DIP2C: variants seen among roughly 807,000 people sequenced by gnomAD.
DIP2C encodes disco-interacting protein 2 homolog C.
Under a neutral mutation model 192.4 loss-of-function variants are expected in DIP2C, and 33 were observed. That is an observed-to-expected ratio of 0.17 (90% confidence interval 0.13 to 0.23). DIP2C has a LOEUF of 0.23. Among genes scored for constraint, DIP2C ranks in the 10% least tolerant of loss-of-function variants. DIP2C has a pLI of 1.00. For missense variants in DIP2C, 1,537 were observed against 2,110.1 expected, an observed-to-expected ratio of 0.73 and a Z score of 5.32; for synonymous variants, 979 against 864.1, an observed-to-expected ratio of 1.13 and a Z score of -2.33.
rs903103045 is a variant in DIP2C at position 376,080 on chromosome 10, G to A, written c.1992-6447C>T. Among the ~76,000 whole-genome samples the A allele has an allele frequency of 1.1e-4, 17 of 152,192 alleles. No homozygotes were observed. The East Asian group carries it at 1.3e-3, about 12-fold the overall frequency. On this transcript the variant is annotated intron_variant, in intron 17 of 36. Transcript: ENST00000280886. ...GTTGAATTCTTACTATGTACCAGGCGTGCTTTCAAGCTCTGTGTGTGTATG... is the reference window on the plus strand; with the variant it reads ...GTTGAATTCTTACTATGTACCAGGCATGCTTTCAAGCTCTGTGTGTGTATG...
At chr10:625,262 C>T (rs1038952588) in intron 1 of DIP2C, among the ~76,000 whole-genome samples, 21 of 152,200 alleles carry the variant, frequency 1.4e-4, no homozygotes, top group African/African-American at 4.8e-4. Context: ...CGCCGCTTCC[C>T]GTCAGGGCAA....
chr10:560,937 C>G (rs917548466), intron 1 of DIP2C, among the ~76,000 whole-genome samples: 22 of 152,188 alleles, frequency 1.4e-4, no homozygotes, highest in African/African-American at 5.1e-4. Flanking sequence ...CTCCACATGA[C>G]AAAGCCTTGG....
chr10:418,878 C>T (rs1022780733), intron 6 of DIP2C, among the ~76,000 whole-genome samples, 187 bp downstream of exon 6: 9 of 152,210 alleles, frequency 5.9e-5, no homozygotes, highest in African/African-American at 2.2e-4. Flanking sequence ...ACTGTGGGCT[C>T]ACTTGGAGAA....
chr10:359,859 G>T (rs902563843), intron 22 of DIP2C, among the ~76,000 whole-genome samples: 2 of 152,138 alleles, frequency 1.3e-5, no homozygotes, highest in African/African-American at 4.8e-5. Flanking sequence ...GGGCTCCACT[G>T]ATTCTCCCAT....
At chr10:657,912 A>T (rs1023253197) in intron 1 of DIP2C, among the ~76,000 whole-genome samples, 1 of 71,742 alleles carries the variant, frequency 1.4e-5, no homozygotes, top group African/African-American at 5.4e-5. Context: ...TGGACCTGCC[A>T]CTGGACCTGT....
At chr10:543,319 G>A (rs879684353) in intron 1 of DIP2C, among the ~76,000 whole-genome samples, 5 of 152,238 alleles carry the variant, frequency 3.3e-5, no homozygotes, top group African/African-American at 4.8e-5. Flanking sequence ...TTTCAGTAGC[G>A]AGAACGTACA....
intron 13 of DIP2C, 97 bp from the exon 14 acceptor site, chr10:387,906 A>G: frequency 7.7e-7 from 1 of 1,298,854 alleles, no homozygotes; most frequent in Admixed American, 1.7e-5. Context: ...GGGAAATAAC[A>G]GATCTTGGGA....
At chr10:448,669 C>T (rs1564726184) in intron 3 of DIP2C, among the ~76,000 whole-genome samples, 1 of 147,142 alleles carries the variant, frequency 6.8e-6, no homozygotes, top group East Asian at 2.1e-4. Flanking sequence ...CCCACTCACC[C>T]CTGTCGATAT....
intron 1 of DIP2C, among the ~76,000 whole-genome samples, chr10:608,130 A>AACACACAC (rs543152867): frequency 4.1e-5 from 4 of 96,702 alleles, no homozygotes; most frequent in African/African-American, 3.7e-4. Context: ...ACACAGCCCC[A>AACACACAC]ACACACACAC....
chr10:368,871 G>A (rs1960620634), intron 18 of DIP2C, among the ~76,000 whole-genome samples: 1 of 152,256 alleles, frequency 6.6e-6, no homozygotes, highest in African/African-American at 2.4e-5. Context: ...GGCTGATGCT[G>A]CCTGTGACCC....
intron 1 of DIP2C, among the ~76,000 whole-genome samples, chr10:614,244 A>G (rs376272147): frequency 3.9e-5 from 6 of 152,212 alleles, no homozygotes; most frequent in African/African-American, 1.4e-4. Flanking sequence ...CCATCCACAC[A>G]GAGAAGCCTG....
At chr10:590,985 G>A (rs1851368625) in intron 1 of DIP2C, among the ~76,000 whole-genome samples, 2 of 152,302 alleles carry the variant, frequency 1.3e-5, no homozygotes, top group South Asian at 2.1e-4. Context: ...GGCCCAAGCT[G>A]GGTGGCACAT....
At chr10:631,513 T>C (rs1397627390) in intron 1 of DIP2C, among the ~76,000 whole-genome samples, 1 of 152,158 alleles carries the variant, frequency 6.6e-6, no homozygotes, top group Non-Finnish European at 1.5e-5. Flanking sequence ...CAGCGGATGA[T>C]GAAACTGTGG....
chr10:511,448 A>G (rs754151471), intron 1 of DIP2C, among the ~76,000 whole-genome samples: 21 of 152,254 alleles, frequency 1.4e-4, no homozygotes, highest in Non-Finnish European at 2.6e-4. Context: ...GATTGTTTCC[A>G]AACCAAGGTG....
chr10:338,367 A>G (rs28557475), intron 29 of DIP2C, among the ~76,000 whole-genome samples: 28,504 of 151,342 alleles, frequency 0.19, 3,211 homozygotes, highest in African/African-American at 0.32. Context: ...CAACTCGCCA[A>G]CTCACCTGGG....
chr10:528,789 G>T (rs1437020726), intron 1 of DIP2C, among the ~76,000 whole-genome samples: 1 of 152,214 alleles, frequency 6.6e-6, no homozygotes, highest in Non-Finnish European at 1.5e-5. Flanking sequence ...CCACAGGTGA[G>T]GCCGGGGGCA....
chr10:605,916 C>T (rs1275764939), intron 1 of DIP2C, among the ~76,000 whole-genome samples: 4 of 152,208 alleles, frequency 2.6e-5, no homozygotes, highest in African/African-American at 9.6e-5. Flanking sequence ...GCCTTTCAGG[C>T]CGTGCCATTT....
At chr10:607,370 G>C (rs1852569451) in intron 1 of DIP2C, among the ~76,000 whole-genome samples, 1 of 152,156 alleles carries the variant, frequency 6.6e-6, no homozygotes, top group Non-Finnish European at 1.5e-5. Flanking sequence ...GAAGCCAGTG[G>C]TGCTCACGTC....
At chr10:384,827 G>A (rs553156544) in intron 14 of DIP2C, among the ~76,000 whole-genome samples, 188 bp from the exon 15 acceptor site, 34 of 150,678 alleles carry the variant, frequency 2.3e-4, no homozygotes, top group African/African-American at 7.6e-4. Context: ...AATACAGAGG[G>A]GCATAGTGGA....
Sources: allele counts gnomAD v4.1 joint callset (sites outside exome capture counted in the v4.1 genomes callset), GRCh38; gene constraint gnomAD v4.1.1; transcripts MANE v1.5; gene names NCBI Gene and HGNC (gene_info 2026-07-23, HGNC 2026-07-21).